NRXN3: variants seen among roughly 807,000 people sequenced by gnomAD.
The protein encoded by NRXN3 is neurexin III.
Under a neutral mutation model 137.6 loss-of-function variants are expected in NRXN3, and 32 were observed. That is an observed-to-expected ratio of 0.23 (90% CI 0.18 to 0.31). The LOEUF (loss-of-function observed/expected upper bound fraction) is 0.31. Ranked by LOEUF, NRXN3 falls within the 10% of genes least tolerant of loss-of-function variation. The pLI is 1.00. For synonymous variants in NRXN3, 798 were observed against 784.5 expected (o/e 1.02, Z -0.29); for missense variants, 1,574 against 2,062.5 (o/e 0.76, Z 4.59).
intron 4 of NRXN3, among the ~76,000 whole-genome samples, chr14:78,477,799 G>T (rs902374843): frequency 1.3e-5 from 2 of 152,142 alleles, no homozygotes; most frequent in African/African-American, 4.8e-5. Context: ...CAAAGATTGA[G>T]TTACAAAAAC....
At chr14:79,126,723 A>G (rs2056563117) in intron 15 of NRXN3, among the ~76,000 whole-genome samples, 1 of 152,062 alleles carries the variant, frequency 6.6e-6, no homozygotes, top group Admixed American at 6.5e-5. Context: ...TGGTATTTCT[A>G]GTTCTGGATC....
chr14:79,182,391 G>A (rs2063029270), intron 15 of NRXN3, among the ~76,000 whole-genome samples: 1 of 151,480 alleles, frequency 6.6e-6, no homozygotes, highest in Admixed American at 6.6e-5. Flanking sequence ...TTGTTTTCCT[G>A]CAACTAGATA....
chr14:78,491,651 T>C (rs757620084), intron 4 of NRXN3, among the ~76,000 whole-genome samples: 7 of 152,124 alleles, frequency 4.6e-5, no homozygotes, highest in Non-Finnish European at 1.0e-4. Context: ...TTATAACTCT[T>C]TGGGGACAAA....
In NRXN3 at chr14:78,707,061, A is replaced by T. The variant is rs1205603113; in HGVS notation, c.1222-2156A>T. 4.6e-5 allele frequency among the ~76,000 whole-genome samples: 7 copies of T among 152,342 alleles called. No homozygotes were observed. The East Asian group carries it at 1.2e-3, about 25-fold the overall frequency. ...AGGGCTGTGGAAATAGCGAAATGAGATTAACAATAACCCTCCAAATAGCTG... is the reference window on the plus strand; with the variant it reads ...AGGGCTGTGGAAATAGCGAAATGAGTTTAACAATAACCCTCCAAATAGCTG... On this transcript the variant is annotated intron_variant, in intron 6 of 20. Coordinates refer to ENST00000335750, the MANE Select transcript of NRXN3 (RefSeq NM_001330195.2).
At chr14:79,673,833 C>A (rs2098625620) in intron 17 of NRXN3, among the ~76,000 whole-genome samples, 1 of 152,052 alleles carries the variant, frequency 6.6e-6, no homozygotes, top group Non-Finnish European at 1.5e-5. Context: ...GTACTGGGTT[C>A]TTGTATCAAG....
chr14:79,590,926 C>T (rs2097797705), intron 16 of NRXN3, among the ~76,000 whole-genome samples: 2 of 152,184 alleles, frequency 1.3e-5, no homozygotes, highest in African/African-American at 4.8e-5. Context: ...CCCTACCATC[C>T]CCTCCATCTT....
intron 19 of NRXN3, among the ~76,000 whole-genome samples, chr14:79,794,150 G>A (rs1412903447): frequency 1.3e-5 from 2 of 152,028 alleles, no homozygotes; most frequent in Non-Finnish European, 2.9e-5. Context: ...GAATTACGAG[G>A]TCAGGAGTTT....
At chr14:79,844,781 T>G (rs771437226) in intron 20 of NRXN3, among the ~76,000 whole-genome samples, 9 of 152,180 alleles carry the variant, frequency 5.9e-5, no homozygotes, top group Non-Finnish European at 1.3e-4. Context: ...AGTATTGACT[T>G]TAAGTCACCA....
intron 15 of NRXN3, among the ~76,000 whole-genome samples, chr14:79,115,004 A>T (rs1446795956): frequency 6.6e-6 from 1 of 152,058 alleles, no homozygotes; most frequent in Non-Finnish European, 1.5e-5. Context: ...ATATAAGCTT[A>T]ATGAGCCACC....
rs1264139548 is a variant in NRXN3, at chr14:79,738,329, A to ACC, written c.4014+40393_4014+40394insCC. Among the ~76,000 whole-genome samples, 7 of 148,460 alleles carry ACC rather than the reference A, an allele frequency of 4.7e-5. No homozygotes were observed. The South Asian group carries it at 6.6e-4, about 14-fold the overall frequency. On this transcript the variant is annotated intron_variant, in intron 19 of 20. Coordinates refer to ENST00000335750, the MANE Select transcript of NRXN3 (RefSeq NM_001330195.2). Reference sequence around the variant, plus strand: ...CATTTCCCCCGCCACACACACACACACACACACACACACACACACACACAC... The same window carrying ACC: ...CATTTCCCCCGCCACACACACACACACCCACACACACACACACACACACACAC...
chr14:78,345,950 A>G (rs1719338773), intron 4 of NRXN3, among the ~76,000 whole-genome samples: 1 of 152,174 alleles, frequency 6.6e-6, no homozygotes, highest in South Asian at 2.1e-4. Context: ...GGCCTGGGGC[A>G]GATGTGTCAG....
chr14:78,935,630 G>T (rs2099335382), intron 10 of NRXN3, among the ~76,000 whole-genome samples: 1 of 152,180 alleles, frequency 6.6e-6, no homozygotes. Flanking sequence ...GCAAGGTTTT[G>T]AGAATATTTT....
intron 15 of NRXN3, among the ~76,000 whole-genome samples, chr14:79,120,392 T>C (rs990588412): frequency 6.6e-6 from 1 of 152,008 alleles, no homozygotes; most frequent in Admixed American, 6.6e-5. Flanking sequence ...CACTGAGAAG[T>C]GTGAACTCCT....
intron 4 of NRXN3, among the ~76,000 whole-genome samples, chr14:78,462,894 T>C (rs1178714043): frequency 2.6e-5 from 4 of 152,190 alleles, no homozygotes; most frequent in Non-Finnish European, 5.9e-5. Flanking sequence ...TGCAGTTTTG[T>C]TACATGTGTA....
chr14:79,832,840 C>T (rs2099327741), intron 20 of NRXN3, among the ~76,000 whole-genome samples: 1 of 151,916 alleles, frequency 6.6e-6, no homozygotes, highest in African/African-American at 2.4e-5. Context: ...CAAACTTTTC[C>T]CTTAAAAAGG....
intron 4 of NRXN3, among the ~76,000 whole-genome samples, chr14:78,356,102 CA>C (rs900739854): frequency 1.3e-5 from 2 of 152,184 alleles, no homozygotes; most frequent in African/African-American, 4.8e-5. Context: ...AGGGAAAGGC[CA>C]ATTGTTGACA....
intron 16 of NRXN3, among the ~76,000 whole-genome samples, chr14:79,654,287 AAAG>A (rs2153976078): frequency 6.6e-6 from 1 of 152,266 alleles, no homozygotes; most frequent in African/African-American, 2.4e-5. Flanking sequence ...AAATCTGAAA[AAAG>A]AAAATCATAG....
chr14:79,272,392 T>C (rs994565633), intron 15 of NRXN3, among the ~76,000 whole-genome samples: 2 of 152,184 alleles, frequency 1.3e-5, no homozygotes, highest in Non-Finnish European at 2.9e-5. Flanking sequence ...GCGGTTTCTT[T>C]GTATCCTGAG....
At chr14:78,441,940 C>T (rs913389825) in intron 4 of NRXN3, among the ~76,000 whole-genome samples, 2 of 151,686 alleles carry the variant, frequency 1.3e-5, no homozygotes, top group Non-Finnish European at 2.9e-5. Flanking sequence ...ACTAAAAATA[C>T]AAAAAATTAG....
Sources: gnomAD v4.1 joint callset for allele counts (sites outside exome capture counted in the v4.1 genomes callset) on GRCh38, gnomAD v4.1.1 for gene constraint, MANE v1.5 for transcripts, NCBI Gene and HGNC (gene_info 2026-07-23, HGNC 2026-07-21) for gene names.